PPP2R2C: variants seen among roughly 807,000 people sequenced by gnomAD.
PPP2R2C encodes the protein protein phosphatase 2 regulatory subunit Bgamma.
A neutral mutation model predicts 45.3 loss-of-function variants in PPP2R2C; 10 were observed. That is an observed-to-expected ratio of 0.22 (90% confidence interval 0.14 to 0.37). The LOEUF is 0.37. Among genes scored for constraint, PPP2R2C ranks in the 10% least tolerant of loss-of-function variants. The pLI, the probability that PPP2R2C is intolerant of heterozygous loss-of-function variation, is 1.00. For missense variants in PPP2R2C, 308 were observed against 619.7 expected, an observed-to-expected ratio of 0.50 and a Z score of 5.34; for synonymous variants, 257 against 245.4, an observed-to-expected ratio of 1.05 and a Z score of -0.44.
At chr4:6,464,380 A>T (rs1174598666) in intron 1 of PPP2R2C, among the ~76,000 whole-genome samples, 1 of 152,220 alleles carries the variant, frequency 6.6e-6, no homozygotes, top group Non-Finnish European at 1.5e-5. Flanking sequence ...CTCCTCCAGC[A>T]GCTTCAGACT....
At chr4:6,434,353 T>C (rs1719778826) in intron 1 of PPP2R2C, among the ~76,000 whole-genome samples, 1 of 50,546 alleles carries the variant, frequency 2.0e-5, no homozygotes, top group Admixed American at 3.1e-4. Flanking sequence ...ATTTCTTTTT[T>C]CTTTTCTTTT....
intron 2 of PPP2R2C, among the ~76,000 whole-genome samples, chr4:6,496,322 A>C (rs1722879614): frequency 1.3e-5 from 2 of 152,212 alleles, no homozygotes; most frequent in Non-Finnish European, 2.9e-5. Flanking sequence ...CAGACCAAAG[A>C]ATCATCCCAT....
chr4:6,519,320 T>A (rs866071952), intron 2 of PPP2R2C, among the ~76,000 whole-genome samples: 3 of 152,140 alleles, frequency 2.0e-5, no homozygotes, highest in Non-Finnish European at 2.9e-5. Flanking sequence ...TAGGAAGAGA[T>A]AAATCACAGT....
At chr4:6,380,733 A>C (rs1046270208) in intron 2 of PPP2R2C, among the ~76,000 whole-genome samples, 2 of 149,496 alleles carry the variant, frequency 1.3e-5, no homozygotes, top group Non-Finnish European at 1.5e-5. Context: ...TCCCCCTACC[A>C]CCGCCCGCCA....
chr4:6,511,546 A>ATGG (rs1560593922), intron 2 of PPP2R2C, among the ~76,000 whole-genome samples: 273 of 4,364 alleles, frequency 0.063, 61 homozygotes, highest in African/African-American at 0.19. Flanking sequence ...GGTGGTGGTG[A>ATGG]TGGTGGTGGT....
chr4:6,369,150 A>G (rs1206333432), intron 5 of PPP2R2C, among the ~76,000 whole-genome samples: 1 of 152,234 alleles, frequency 6.6e-6, no homozygotes, highest in East Asian at 1.9e-4. Context: ...GCCACTGGCC[A>G]CATGTGGCTA....
At chr4:6,448,950 C>T (rs532762450) in intron 1 of PPP2R2C, among the ~76,000 whole-genome samples, 1 of 152,344 alleles carries the variant, frequency 6.6e-6, no homozygotes, top group African/African-American at 2.4e-5. Context: ...CAGCCAACCT[C>T]CATGCCCCAG....
In PPP2R2C at chr4:6,493,993, G is replaced by A. The variant is rs561038405; in HGVS notation, c.49+41278C>T. 2.6e-5 allele frequency among the ~76,000 whole-genome samples: 4 copies of A among 152,210 alleles called. No individual in the cohort carries two copies. In the South Asian group the frequency reaches 6.2e-4, roughly 24 times the overall value. On this transcript the variant is annotated intron_variant, in intron 2 of 9. Transcript: ENST00000506140. Reference sequence around the variant, plus strand: ...AACATGCTCATTTGCCCCACGCCTCGGCTACACCCAGCTTCGAGCCTGCAG... The same window carrying A: ...AACATGCTCATTTGCCCCACGCCTCAGCTACACCCAGCTTCGAGCCTGCAG...
intron 4 of PPP2R2C, among the ~76,000 whole-genome samples, chr4:6,373,135 G>T (rs1407962651): frequency 6.6e-6 from 1 of 152,216 alleles, no homozygotes. Flanking sequence ...CCAATGGGAT[G>T]TGAGCAAAGT....
intron 2 of PPP2R2C, among the ~76,000 whole-genome samples, chr4:6,519,462 C>T (rs1215234928): frequency 2.6e-5 from 4 of 152,216 alleles, no homozygotes; most frequent in Admixed American, 2.0e-4. Flanking sequence ...GCCTAGCTCC[C>T]CAGCCCCAGC....
chr4:6,519,525 GCTGCCTC>G (rs1723948712), intron 2 of PPP2R2C, among the ~76,000 whole-genome samples: 1 of 152,240 alleles, frequency 6.6e-6, no homozygotes. Context: ...TCTGGGCCAT[GCTGCCTC>G]CTGCCACAGG....
chr4:6,492,670 G>A (rs1159475260), intron 2 of PPP2R2C, among the ~76,000 whole-genome samples: 3 of 152,188 alleles, frequency 2.0e-5, no homozygotes, highest in Admixed American at 2.0e-4. Flanking sequence ...CGAATGATGT[G>A]CCCTAGGATC....
intron 2 of PPP2R2C, among the ~76,000 whole-genome samples, chr4:6,486,601 ATTAC>A (rs2108782344): frequency 6.6e-6 from 1 of 152,170 alleles, no homozygotes; most frequent in African/African-American, 2.4e-5. Flanking sequence ...TCATTATGAA[ATTAC>A]TTTATTTAAC....
intron 1 of PPP2R2C, among the ~76,000 whole-genome samples, chr4:6,425,950 C>T (rs753384056): frequency 3.8e-4 from 58 of 152,040 alleles, no homozygotes; most frequent in Non-Finnish European, 5.4e-4. Context: ...GAGAGGCACT[C>T]TATGGCTCCA....
chr4:6,434,359 C>CTTTTTTTTTT (rs34292067), intron 1 of PPP2R2C, among the ~76,000 whole-genome samples: 14 of 116,138 alleles, frequency 1.2e-4, no homozygotes, highest in Non-Finnish European at 1.7e-4. Flanking sequence ...TTTTTCTTTT[C>CTTTTTTTTTT]TTTTTTTTTT....
In PPP2R2C at chr4:6,539,774, C is replaced by T. The variant is rs142392650; in HGVS notation, c.-58-4397G>A. Among the ~76,000 whole-genome samples, 56 of 152,308 alleles carry T rather than the reference C, an allele frequency of 3.7e-4. 1 individual carries two copies. Among genetic ancestry groups the T allele is most frequent in the African/African-American group, 1.2e-3 (50 of 41,558 alleles). On this transcript the variant is annotated intron_variant, in intron 1 of 9. Transcript: ENST00000506140. ...CTAGGCATTCCCGATTACCCTCGCT[C>T]AGCCTCACCACAACCTTGCGGGCGA...
chr4:6,544,948 T>G (rs974826154), intron 1 of PPP2R2C, among the ~76,000 whole-genome samples: 4 of 152,234 alleles, frequency 2.6e-5, no homozygotes, highest in Non-Finnish European at 5.9e-5. Flanking sequence ...AGAAGGAGAT[T>G]TCTTAAATTT....
At position 6,378,818 on chromosome 4, in the gene PPP2R2C, G is replaced by A. The variant is rs1715559887; in HGVS notation, c.169-246C>T. ...CCCGAGCCGGCTAACTTGCTAATGC[G>A]AATGTTCCCCAGCGCCTGCTACAAG... On this transcript the variant is annotated intron_variant, in intron 2 of 8. Coordinates refer to ENST00000382599, the MANE Select transcript of PPP2R2C (RefSeq NM_020416.4). The surrounding 1 kb of genome is among the most constrained non-coding windows in gnomAD (Gnocchi z 5.2). Among the ~76,000 whole-genome samples, 1 of 151,918 alleles carries A rather than the reference G, an allele frequency of 6.6e-6. No homozygotes were observed. The highest frequency in any genetic ancestry group is 6.6e-5 in the Admixed American group (1 of 15,260).
chr4:6,458,755 G>C (rs1297714426), intron 1 of PPP2R2C, among the ~76,000 whole-genome samples: 1 of 152,176 alleles, frequency 6.6e-6, no homozygotes, highest in Admixed American at 6.5e-5. Flanking sequence ...CAGCAGGCAT[G>C]GTGTCTACTG....
Sources: allele counts gnomAD v4.1 joint callset (sites outside exome capture counted in the v4.1 genomes callset), GRCh38; gene constraint gnomAD v4.1.1; non-coding constraint Gnocchi (gnomAD v3.1); transcripts MANE v1.5; gene names NCBI Gene and HGNC (gene_info 2026-07-23, HGNC 2026-07-21).